SPON2: variants seen among roughly 807,000 people sequenced by gnomAD.
The protein encoded by SPON2 is spondin-2.
In SPON2, 32 loss-of-function variants were observed where a neutral mutation model predicts 29.9. The ratio of observed to expected loss-of-function variants is 1.07; its 90% CI spans 0.81 to 1.44. SPON2 has a LOEUF of 1.44. Among genes scored for constraint, SPON2 ranks in the 40% most tolerant of loss-of-function variants. The pLI is 0.00. For synonymous variants in SPON2, 248 were observed against 209.1 expected (o/e 1.19, Z -1.61); for missense variants, 541 against 455.5 (o/e 1.19, Z -1.71).
chr4:1,192,817 A>G (rs1230871798), intron 1 of SPON2, among the ~76,000 whole-genome samples: 1 of 152,208 alleles, frequency 6.6e-6, no homozygotes, highest in African/African-American at 2.4e-5. Flanking sequence ...AGGCTTGCTG[A>G]GGCCACGGCC....
Position 1,202,065 on chromosome 4 carries a change from A to C in SPON2, c.-234+5815T>G, listed in dbSNP as rs1019213274. Among the ~76,000 whole-genome samples the C allele has an allele frequency of 5.9e-5, 9 of 152,204 alleles. No individual in the cohort carries two copies. The highest frequency in any genetic ancestry group is 5.2e-4 in the Admixed American group (8 of 15,288). The stretch of plus-strand genomic sequence containing the variant: ...CATCTCACTCCGGAACACGTTCATC[A>C]TCCGCAGAAGACGTCCTGTGCCTGT... On this transcript the variant is annotated intron_variant, in intron 1 of 3. Coordinates refer to the SPON2 transcript ENST00000509233. The surrounding 1 kb of genome is among the most constrained non-coding windows in gnomAD (Gnocchi z 5.4).
rs745765038 is a variant in SPON2 at position 1,172,025 on chromosome 4, G to C, written c.47C>G (p.Ala16Gly). Reference protein sequence around the residue: ...PAAALGKALCALLLATLGAAG... With the variant: ...PAAALGKALCGLLLATLGAAG... The stretch of plus-strand genomic sequence containing the variant: ...GGCGCCGAGAGTGGCCAGGAGGAGA[G>C]CGCAGAGGGCCTTGCCCAGGGCGGC... The change falls in exon 2 of 6, where the codon GCT (alanine) becomes GGT (glycine). Residue 16 changes from alanine to glycine, a missense_variant. By Grantham distance (60) the Ala-to-Gly change is moderately conservative (BLOSUM62 0). Coordinates refer to ENST00000290902, the MANE Select transcript of SPON2 (RefSeq NM_012445.4). 6 of 1,612,610 alleles carry C rather than the reference G, an allele frequency of 3.7e-6. No homozygotes were observed. The African/African-American group carries it at 8.0e-5, about 22-fold the overall frequency.
In SPON2 at chr4:1,167,610, C is replaced by G. The variant is rs778901511; in HGVS notation, c.858G>C (p.Trp286Cys). 3 of 1,613,256 alleles carry G rather than the reference C, an allele frequency of 1.9e-6. No homozygotes were observed. Among genetic ancestry groups the G allele is most frequent in the South Asian group, 2.2e-5 (2 of 90,998 alleles). The change falls in exon 6 of 6, where the codon TGG becomes TGC. Residue 286 changes from tryptophan (W) to cysteine (C), a missense_variant. Trp to Cys is a radical substitution (Grantham distance 215). Coordinates refer to ENST00000290902, the MANE Select transcript of SPON2 (RefSeq NM_012445.4). ...LDCEVSLWSS[W>C]GLCGGHCGRL... ...TCCCACAGTGGCCTCCGCACAGTCCCCAGGACGACCACAGGGAGACCTCGC... is the reference window on the plus strand; with the variant it reads ...TCCCACAGTGGCCTCCGCACAGTCCGCAGGACGACCACAGGGAGACCTCGC...
At chr4:1,167,922 C>G (rs1727300147) in intron 5 of SPON2, 2 of 404,960 alleles carry the variant, frequency 4.9e-6, no homozygotes, top group Non-Finnish European at 8.8e-6. Context: ...GTGGAACTCC[C>G]ACATCGTGGC....
chr4:1,176,934 T>C (rs1021254806), upstream of SPON2, among the ~76,000 whole-genome samples: 1 of 148,542 alleles, frequency 6.7e-6, no homozygotes, highest in Non-Finnish European at 1.5e-5. Context: ...ATTCCTTGCA[T>C]CTCAGAGATG....
At chr4:1,177,356 TA>T (rs774169151), upstream of SPON2, among the ~76,000 whole-genome samples, 1 of 152,244 alleles carries the variant, frequency 6.6e-6, no homozygotes, top group Non-Finnish European at 1.5e-5. Flanking sequence ...TGGCAATGTT[TA>T]AAAGTTGTCT....
intron 1 of SPON2, among the ~76,000 whole-genome samples, chr4:1,184,936 CAAA>C (rs71168814): frequency 1.6e-5 from 2 of 126,118 alleles, no homozygotes; most frequent in Non-Finnish European, 1.6e-5. Flanking sequence ...GACTCTGTCT[CAAA>C]AAAAAAAAAA....
upstream of SPON2, among the ~76,000 whole-genome samples, chr4:1,177,520 C>G (rs947574198): frequency 6.6e-6 from 1 of 152,014 alleles, no homozygotes; most frequent in Non-Finnish European, 1.5e-5. Context: ...TTGTGAGCCG[C>G]GTGGAGCAGA....
intron 1 of SPON2, among the ~76,000 whole-genome samples, chr4:1,185,536 C>T (rs1179972260): frequency 1.3e-5 from 2 of 150,692 alleles, no homozygotes; most frequent in Non-Finnish European, 3.0e-5. Flanking sequence ...GGTGAAACCC[C>T]GTCTCTATTA....
intron 1 of SPON2, among the ~76,000 whole-genome samples, chr4:1,194,039 G>A (rs1200716617): frequency 1.3e-5 from 2 of 152,010 alleles, no homozygotes; most frequent in African/African-American, 2.4e-5. Flanking sequence ...TGGCCCAGCA[G>A]CTGTTCCCAC....
At chr4:1,188,071 C>A (rs1378384433) in intron 1 of SPON2, among the ~76,000 whole-genome samples, 1 of 150,924 alleles carries the variant, frequency 6.6e-6, no homozygotes, top group African/African-American at 2.4e-5. Flanking sequence ...ATTAGCCAGG[C>A]GTGGTGGCGG....
At chr4:1,189,989 C>CA (rs34537590) in intron 1 of SPON2, among the ~76,000 whole-genome samples, 10 of 93,944 alleles carry the variant, frequency 1.1e-4, no homozygotes, top group African/African-American at 3.5e-4. Flanking sequence ...GACTCCATCT[C>CA]AAAAAAAAAA....
chr4:1,174,433 G>A (rs1306643324), upstream of SPON2, among the ~76,000 whole-genome samples: 1 of 144,702 alleles, frequency 6.9e-6, no homozygotes, highest in Non-Finnish European at 1.5e-5. Flanking sequence ...GTTGTAGTGA[G>A]CCAAGATCGC....
At chr4:1,175,391 G>C (rs749353077), upstream of SPON2, among the ~76,000 whole-genome samples, 107 of 152,388 alleles carry the variant, frequency 7.0e-4, 1 homozygote, top group Non-Finnish European at 1.2e-3. Flanking sequence ...CCCAGGGGCA[G>C]CAGGAGCTGT....
chr4:1,195,292 C>T (rs533347003), upstream of SPON2, among the ~76,000 whole-genome samples: 2 of 152,266 alleles, frequency 1.3e-5, no homozygotes, highest in South Asian at 2.1e-4. Flanking sequence ...GGTGTGTGGC[C>T]GGCCTCGCAG....
At chr4:1,204,598 C>G (rs1728293905) in intron 1 of SPON2, among the ~76,000 whole-genome samples, 1 of 152,232 alleles carries the variant, frequency 6.6e-6, no homozygotes, top group Non-Finnish European at 1.5e-5. Context: ...CCACGGTTCC[C>G]TTGTTCATCT....
intron 1 of SPON2, among the ~76,000 whole-genome samples, chr4:1,193,853 G>C (rs1420389672): frequency 8.6e-6 from 1 of 115,608 alleles, no homozygotes; most frequent in African/African-American, 3.5e-5. Context: ...GGGCAGCGTG[G>C]GAAGGACGTG....
upstream of SPON2, among the ~76,000 whole-genome samples, chr4:1,198,345 C>T (rs1034410823): frequency 1.3e-5 from 2 of 152,130 alleles, no homozygotes; most frequent in Non-Finnish European, 1.5e-5. Flanking sequence ...AGCAGATGTC[C>T]GCAGCTGACG....
chr4:1,198,217 A>G (rs1728114297), upstream of SPON2, among the ~76,000 whole-genome samples: 1 of 152,230 alleles, frequency 6.6e-6, no homozygotes, highest in Non-Finnish European at 1.5e-5. Flanking sequence ...CGAAACCTGC[A>G]GCAGCCATGT....
Sources: allele counts gnomAD v4.1 joint callset (sites outside exome capture counted in the v4.1 genomes callset), GRCh38; gene constraint gnomAD v4.1.1; non-coding constraint Gnocchi (gnomAD v3.1); transcripts MANE v1.5; gene names NCBI Gene and HGNC (gene_info 2026-07-23, HGNC 2026-07-21).